MALRD1: variants seen among roughly 807,000 people sequenced by gnomAD.
MALRD1 encodes the protein MAM and LDL receptor class A domain containing 1.
MALRD1 carries 247 observed loss-of-function variants against 242.1 expected under a neutral mutation model. The ratio of observed to expected loss-of-function variants is 1.02; its 90% CI spans 0.92 to 1.13. The LOEUF is 1.13. Among genes scored for constraint, MALRD1 ranks in the 50% most tolerant of loss-of-function variants. The probability of loss-of-function intolerance (pLI) is 0.00; values close to 1 mark genes in which losing one functional copy is unlikely to be tolerated. For synonymous variants in MALRD1, 995 were observed against 866.6 expected, an observed-to-expected ratio of 1.15 and a Z score of -2.60; for missense variants, 2,989 against 2,533.1, an observed-to-expected ratio of 1.18 and a Z score of -3.86.
intron 28 of MALRD1, among the ~76,000 whole-genome samples, chr10:19,399,766 A>G (rs1410076715): frequency 1.3e-5 from 2 of 152,220 alleles, no homozygotes; most frequent in African/African-American, 4.8e-5. Flanking sequence ...TAACAAATAA[A>G]GAAATATTTA....
chr10:19,666,228 T>A (rs1841679055), intron 36 of MALRD1, among the ~76,000 whole-genome samples: 1 of 152,224 alleles, frequency 6.6e-6, no homozygotes. Context: ...CTTAGTCACC[T>A]AACCATCCAT....
chr10:19,052,849 C>A (rs559668913), intron 1 of MALRD1, among the ~76,000 whole-genome samples: 3 of 152,300 alleles, frequency 2.0e-5, no homozygotes, highest in African/African-American at 7.2e-5. Flanking sequence ...GAATTCAGGG[C>A]TTTTGGCATA....
chr10:19,324,028 A>G lies in MALRD1; in HGVS notation c.3499A>G (p.Ile1167Val), dbSNP rs1049994016. 1 of 1,550,772 alleles carries G rather than the reference A, an allele frequency of 6.4e-7. No homozygotes were observed. Among genetic ancestry groups the G allele is most frequent in the East Asian group, 2.4e-5 (1 of 40,910 alleles). The change falls in exon 22 of 40, where the codon ATC (isoleucine) becomes GTC (valine). Residue 1167 changes from isoleucine to valine, a missense_variant. Coordinates refer to ENST00000454679, the MANE Select transcript of MALRD1 (RefSeq NM_001142308.3). ...FGDTADILTP[I>V]ISLTGPKCTL... is the part of the protein sequence containing the mutation. The stretch of plus-strand genomic sequence containing the variant: ...TGACACGGCTGACATTCTCACTCCT[A>G]TCATTTCACTCACGGGACCAAAATG...
At chr10:19,633,924 C>T (rs147841113) in intron 36 of MALRD1, 7 of 151,330 alleles carry the variant, frequency 4.6e-5, no homozygotes, top group African/African-American at 1.7e-4. Context: ...CTGCAACCTC[C>T]ACCTCTGGGG....
chr10:19,661,594 A>T (rs1841439971), intron 36 of MALRD1, among the ~76,000 whole-genome samples: 2 of 152,050 alleles, frequency 1.3e-5, no homozygotes, highest in Non-Finnish European at 1.5e-5. Context: ...ATGAGAACAC[A>T]TGGACACAGG....
chr10:19,602,348 C>T (rs190653219), intron 34 of MALRD1, among the ~76,000 whole-genome samples: 2 of 128,010 alleles, frequency 1.6e-5, no homozygotes, highest in African/African-American at 3.1e-5. Flanking sequence ...CTCCCCCCTC[C>T]CCCCACCCTA....
chr10:19,348,536 A>G (rs1383775285), intron 25 of MALRD1, among the ~76,000 whole-genome samples: 1 of 152,186 alleles, frequency 6.6e-6, no homozygotes, highest in Non-Finnish European at 1.5e-5. Flanking sequence ...AATAATTTCT[A>G]TAAGCAGGAA....
At chr10:19,133,269 A>G (rs1321350940) in intron 8 of MALRD1, among the ~76,000 whole-genome samples, 2 of 152,222 alleles carry the variant, frequency 1.3e-5, no homozygotes, top group Non-Finnish European at 2.9e-5. Context: ...TTGTACAGGT[A>G]CATAACATAG....
intron 18 of MALRD1, among the ~76,000 whole-genome samples, chr10:19,215,168 A>G (rs1001921827): frequency 1.2e-4 from 19 of 152,232 alleles, no homozygotes; most frequent in African/African-American, 4.6e-4. Flanking sequence ...TTCTGTTACA[A>G]TTCTTCAAAG....
chr10:19,182,491 ATT>A (rs35498337), intron 14 of MALRD1, among the ~76,000 whole-genome samples: 7 of 148,920 alleles, frequency 4.7e-5, no homozygotes, highest in African/African-American at 1.5e-4. Flanking sequence ...CGCCCGGCTA[ATT>A]TTTTTTTTGT....
At chr10:19,091,940 G>C (rs202012287) in intron 4 of MALRD1, among the ~76,000 whole-genome samples, 5 of 77,610 alleles carry the variant, frequency 6.4e-5, no homozygotes, top group Non-Finnish European at 1.1e-4. Context: ...TTTGATTGCA[G>C]TGTGGTCTGA....
intron 21 of MALRD1, among the ~76,000 whole-genome samples, chr10:19,285,567 A>G (rs1402357132): frequency 1.3e-5 from 2 of 151,740 alleles, no homozygotes; most frequent in Admixed American, 6.6e-5. Flanking sequence ...AGTTGTAGAT[A>G]TGCGGCGTTA....
chr10:19,326,188 A>C (rs1158830103), intron 22 of MALRD1, among the ~76,000 whole-genome samples: 3 of 152,126 alleles, frequency 2.0e-5, no homozygotes, highest in Non-Finnish European at 4.4e-5. Context: ...GACTTTTTAA[A>C]AATGTTTTCA....
rs1017690111 is a variant in MALRD1, at chr10:19,331,054, G to A, written c.3688-315G>A. 2.6e-5 allele frequency among the ~76,000 whole-genome samples: 4 copies of A among 152,208 alleles called. No individual in the cohort carries two copies. In the South Asian group the frequency reaches 8.3e-4, roughly 32 times the overall value. On this transcript the variant is annotated intron_variant, in intron 23 of 39. Coordinates refer to ENST00000454679, the MANE Select transcript of MALRD1 (RefSeq NM_001142308.3). Reference sequence around the variant, plus strand: ...TCTAAAACAGGAGTAGGTCTTGTTGGAGATCTGAGAGCTGGCAAAGGCAGT... The same window carrying A: ...TCTAAAACAGGAGTAGGTCTTGTTGAAGATCTGAGAGCTGGCAAAGGCAGT...
intron 36 of MALRD1, among the ~76,000 whole-genome samples, chr10:19,642,622 A>C (rs1326984): frequency 6.6e-6 from 1 of 152,106 alleles, no homozygotes; most frequent in African/African-American, 2.4e-5. Context: ...TTCTAAAGCT[A>C]GGAACAAATT....
chr10:19,444,708 G>A (rs958289895), intron 28 of MALRD1, among the ~76,000 whole-genome samples: 7 of 152,152 alleles, frequency 4.6e-5, no homozygotes, highest in Non-Finnish European at 7.4e-5. Flanking sequence ...CCTTTCGTGG[G>A]TAACCCAACC....
intron 2 of MALRD1, among the ~76,000 whole-genome samples, chr10:19,078,198 C>A (rs186807310): frequency 6.6e-6 from 1 of 151,568 alleles, no homozygotes. Flanking sequence ...ATGTGCACAA[C>A]GTGCAGGTTT....
At position 19,416,311 on chromosome 10, in the gene MALRD1, A is replaced by C. The variant is rs577503564; in HGVS notation, c.4845+26702A>C. Among the ~76,000 whole-genome samples the C allele has an allele frequency of 1.7e-3, 266 of 152,306 alleles. 1 individual carries two copies. Among genetic ancestry groups the C allele is most frequent in the African/African-American group, 6.0e-3 (249 of 41,556 alleles). On this transcript the variant is annotated intron_variant, in intron 28 of 39. Coordinates refer to ENST00000454679, the MANE Select transcript of MALRD1 (RefSeq NM_001142308.3). The stretch of plus-strand genomic sequence containing the variant: ...AGCCACAAATCAGCATTTCCACAAT[A>C]TGTGATTTGTTGTTATCAGCCAGCA...
rs1025136314 is a variant in MALRD1 at position 19,146,206 on chromosome 10, C to T, written c.1420C>T (p.Leu474Phe). 4.1e-6 allele frequency: 5 copies of T among 1,231,546 alleles called. No homozygotes were observed. The highest frequency in any genetic ancestry group is 5.1e-6 in the Non-Finnish European group (5 of 987,962). The allele number at this position is 1,231,546 out of a possible 1,614,324, so 76.3% of individuals were successfully genotyped here. A position where few individuals can be genotyped will look rare whatever the true frequency, so the allele number is the denominator to read the frequency against. The change falls in exon 11 of 40, where the codon CTC becomes TTC. Residue 474 changes from leucine (L) to phenylalanine (F), a missense_variant. Physicochemically the swap from Leu to Phe is conservative, Grantham distance 22. Coordinates refer to ENST00000454679, the MANE Select transcript of MALRD1 (RefSeq NM_001142308.3). ...TCTTCTACGTGTAACAGCAAAGCAT[C>T]TCACCTGTGACTTTGAGTCGGGTTT... ...DEDPATCSKHLTCDFESGFCG... is the reference protein window; with the variant it reads ...DEDPATCSKHFTCDFESGFCG...
Sources: gnomAD v4.1 joint callset for allele counts (sites outside exome capture counted in the v4.1 genomes callset) on GRCh38, gnomAD v4.1.1 for gene constraint, MANE v1.5 for transcripts, NCBI Gene and HGNC (gene_info 2026-07-23, HGNC 2026-07-21) for gene names.